Variants in STARD10 observed in about 807,000 individuals in gnomAD.
The protein encoded by STARD10 is StAR related lipid transfer domain containing 10.
Under a neutral mutation model 36.0 loss-of-function variants are expected in STARD10, and 24 were observed. The observed-to-expected ratio is 0.67, with a 90% CI of 0.48 to 0.94. The LOEUF is 0.94. Among genes scored for constraint, STARD10 ranks in the 40% least tolerant of loss-of-function variants. The pLI, the probability that STARD10 is intolerant of heterozygous loss-of-function variation, is 0.00. For synonymous variants in STARD10, 156 were observed against 161.9 expected (o/e 0.96, Z 0.28); for missense variants, 335 against 396.6 (o/e 0.84, Z 1.32).
At chr11:72,791,488 G>C (rs1859142697) in intron 1 of STARD10, among the ~76,000 whole-genome samples, 1 of 152,074 alleles carries the variant, frequency 6.6e-6, no homozygotes, top group South Asian at 2.1e-4. Context: ...GATCACCTGA[G>C]GTCAGGAGTT....
At chr11:72,790,136 C>G (rs1400024559) in intron 1 of STARD10, among the ~76,000 whole-genome samples, 1 of 152,244 alleles carries the variant, frequency 6.6e-6, no homozygotes, top group African/African-American at 2.4e-5. Context: ...ACTCTCCTTC[C>G]CTTACCTCTC....
intron 2 of STARD10, among the ~76,000 whole-genome samples, chr11:72,774,354 T>C (rs377171764): frequency 7.2e-5 from 11 of 152,150 alleles, no homozygotes; most frequent in East Asian, 5.8e-4. Flanking sequence ...AGGAAGGCAA[T>C]GGTTATGCTA....
At chr11:72,784,800 T>C (rs994593362) in intron 1 of STARD10, among the ~76,000 whole-genome samples, 1 of 152,162 alleles carries the variant, frequency 6.6e-6, no homozygotes, top group African/African-American at 2.4e-5. Flanking sequence ...GGAGCCAGAG[T>C]GGGCATAGAA....
In STARD10 at chr11:72,758,641, G is replaced by C. The variant is rs1210151696; in HGVS notation, c.356-8C>G. On this transcript the variant is annotated splice_region_variant and splice_polypyrimidine_tract_variant and intron_variant, in intron 3 of 6. Coordinates refer to ENST00000334805, the MANE Select transcript of STARD10 (RefSeq NM_006645.3). Reference sequence around the variant, plus strand: ...GGGGCTTGGGACACCTCCCTGTGGGGGGCAAGGGACAGTTCAGCCAGACCA... The same window carrying C: ...GGGGCTTGGGACACCTCCCTGTGGGCGGCAAGGGACAGTTCAGCCAGACCA... The C allele has an allele frequency of 6.2e-7, 1 of 1,607,626 alleles. No homozygotes were observed. The highest frequency in any genetic ancestry group is 1.7e-5 in the Admixed American group (1 of 59,824).
intron 2 of STARD10, among the ~76,000 whole-genome samples, chr11:72,779,734 C>T (rs1858968024): frequency 6.6e-6 from 1 of 152,178 alleles, no homozygotes; most frequent in African/African-American, 2.4e-5. Context: ...GGGAGACACA[C>T]ATGGAAACCC....
chr11:72,767,213 C>T (rs1409286375), intron 2 of STARD10, among the ~76,000 whole-genome samples: 3 of 152,172 alleles, frequency 2.0e-5, no homozygotes, highest in African/African-American at 7.2e-5. Flanking sequence ...ATAACCATTA[C>T]CATTGCTCGA....
At chr11:72,768,640 T>C (rs1193320709) in intron 2 of STARD10, among the ~76,000 whole-genome samples, 1 of 152,256 alleles carries the variant, frequency 6.6e-6, no homozygotes, top group Non-Finnish European at 1.5e-5. Context: ...TCAATATGTC[T>C]TCAAACTTCA....
In STARD10 at chr11:72,755,702, T is replaced by C. The variant is rs763874260; in HGVS notation, c.629A>G (p.Lys210Arg). ...CCCCAAAATCCCAAGGCCACTCACC[T>C]TGGGAGCCAGGAACTGAGAAGATTT... The part of the protein sequence containing the change: ...VNKSSQFLAP[K>R]AMKKMYKACL... Residue 210 changes from lysine (K) to arginine (R), a missense_variant and splice_region_variant, in exon 6 of 7, where the codon AAG becomes AGG. Transcript: ENST00000334805. The C allele has an allele frequency of 1.2e-6, 2 of 1,613,730 alleles. No individual in the cohort carries two copies. Among genetic ancestry groups the C allele is most frequent in the South Asian group, 1.1e-5 (1 of 91,068 alleles).
chr11:72,754,900 G>A lies in STARD10; in HGVS notation c.873C>T (p.Thr291=). Residue 291 remains threonine, a synonymous_variant, in exon 7 of 7, where the codon ACC becomes ACT. Transcript: ENST00000334805. The stretch of plus-strand genomic sequence containing the variant: ...CGTCCCTGAAGCGGTGCGGCGCTCA[G>A]GTGAGCGAGGTGTCGTCGTCGCTGC... ...GEGSDDDTSL[T] 6.3e-7 allele frequency: 1 copy of A among 1,598,026 alleles called. No homozygotes were observed. Among genetic ancestry groups the A allele is most frequent in the Non-Finnish European group, 8.5e-7 (1 of 1,178,234 alleles).
intron 4 of STARD10, 59 bp from the exon 5 acceptor site, chr11:72,757,943 G>GT (rs1373378261): frequency 6.7e-7 from 1 of 1,487,464 alleles, no homozygotes; most frequent in Non-Finnish European, 9.4e-7. Flanking sequence ...AGATGTTTTT[G>GT]TGAGTATACA....
chr11:72,784,153 G>C (rs907601526), intron 1 of STARD10, among the ~76,000 whole-genome samples: 29 of 152,252 alleles, frequency 1.9e-4, no homozygotes, highest in African/African-American at 7.0e-4. Context: ...CCTCTCAAAC[G>C]TGACAAAGCC....
At chr11:72,759,866 T>C (rs915461921) in intron 2 of STARD10, among the ~76,000 whole-genome samples, 2 of 148,444 alleles carry the variant, frequency 1.3e-5, no homozygotes, top group African/African-American at 4.9e-5. Context: ...GTCCTCTTAT[T>C]TGTGGTTTGT....
Position 72,771,799 on chromosome 11 carries a change from C to G in STARD10, c.207+9176G>C, listed in dbSNP as rs1291536230. On this transcript the variant is annotated intron_variant, in intron 2 of 6. Transcript: ENST00000334805. Reference sequence around the variant, plus strand: ...TGCCCTGTACCTCTCCACTTCTATCCTGGGGGGGCGAGGGGGAGCCAGACA... The same window carrying G: ...TGCCCTGTACCTCTCCACTTCTATCGTGGGGGGGCGAGGGGGAGCCAGACA... Among the ~76,000 whole-genome samples the G allele has an allele frequency of 5.9e-5, 9 of 152,104 alleles. 1 individual carries two copies. Among genetic ancestry groups the G allele is most frequent in the African/African-American group, 2.2e-4 (9 of 41,394 alleles).
chr11:72,761,912 C>CTTTTTTTTTT (rs1858721631), intron 2 of STARD10, among the ~76,000 whole-genome samples: 1 of 80,632 alleles, frequency 1.2e-5, no homozygotes, highest in African/African-American at 4.7e-5. Context: ...TTTTTCTTTT[C>CTTTTTTTTTT]TTTTCTTTTT....
intron 1 of STARD10, among the ~76,000 whole-genome samples, chr11:72,790,089 C>G (rs1859122389): frequency 6.6e-6 from 1 of 152,214 alleles, no homozygotes; most frequent in African/African-American, 2.4e-5. Context: ...CCCACTCGCC[C>G]CAGACCGGCC....
chr11:72,777,060 C>G (rs1040465479), intron 2 of STARD10, among the ~76,000 whole-genome samples: 5 of 152,330 alleles, frequency 3.3e-5, no homozygotes, highest in African/African-American at 1.2e-4. Flanking sequence ...CCAGGTCTCT[C>G]CTGTCATGGG....
At chr11:72,765,735 C>T (rs1430976564) in intron 2 of STARD10, among the ~76,000 whole-genome samples, 1 of 151,666 alleles carries the variant, frequency 6.6e-6, no homozygotes, top group Non-Finnish European at 1.5e-5. Flanking sequence ...CTTCGGGAGG[C>T]CGAGGCGGGT....
intron 2 of STARD10, among the ~76,000 whole-genome samples, chr11:72,764,586 T>G (rs1208186105): frequency 1.3e-5 from 2 of 152,236 alleles, no homozygotes; most frequent in Admixed American, 6.5e-5. Context: ...GCCCTTTCCA[T>G]AGCCCCCAGC....
chr11:72,788,391 G>A (rs1372229138), intron 1 of STARD10, among the ~76,000 whole-genome samples: 4 of 152,180 alleles, frequency 2.6e-5, no homozygotes, highest in Non-Finnish European at 4.4e-5. Context: ...CGGTGCTGGT[G>A]TGCACATTCT....
Sources: allele counts gnomAD v4.1 joint callset (sites outside exome capture counted in the v4.1 genomes callset), GRCh38; gene constraint gnomAD v4.1.1; transcripts MANE v1.5; gene names NCBI Gene and HGNC (gene_info 2026-07-23, HGNC 2026-07-21).